The following SNTG1 variants were observed in gnomAD, a reference collection of about 807,000 sequenced individuals.
SNTG1 encodes the protein syntrophin gamma 1.
SNTG1 carries 39 observed loss-of-function variants against 74.7 expected under a neutral mutation model. The observed-to-expected ratio is 0.52, with a 90% confidence interval of 0.40 to 0.68. The LOEUF (loss-of-function observed/expected upper bound fraction) is 0.68, where lower values mean the gene tolerates loss of function less well. Ranked by LOEUF, SNTG1 falls within the 30% of genes least tolerant of loss-of-function variation. SNTG1 has a pLI of 0.00. For synonymous variants in SNTG1, 254 were observed against 217.1 expected, an observed-to-expected ratio of 1.17 and a Z score of -1.49; for missense variants, 685 against 609.5, an observed-to-expected ratio of 1.12 and a Z score of -1.30.
intron 18 of SNTG1, among the ~76,000 whole-genome samples, chr8:50,774,841 C>G (rs1387744728): frequency 6.6e-6 from 1 of 151,314 alleles, no homozygotes; most frequent in East Asian, 1.9e-4. Flanking sequence ...TATATAGAAA[C>G]AAATTTTTGA....
At chr8:50,089,191 C>T (rs1355617312) in intron 1 of SNTG1, among the ~76,000 whole-genome samples, 3 of 152,074 alleles carry the variant, frequency 2.0e-5, no homozygotes, top group Non-Finnish European at 4.4e-5. Flanking sequence ...GCTGGGAAAA[C>T]TGGCTAGCCA....
At chr8:50,396,115 AT>A (rs2092725874) in intron 3 of SNTG1, among the ~76,000 whole-genome samples, 1 of 152,216 alleles carries the variant, frequency 6.6e-6, no homozygotes. Context: ...GATACAGAAG[AT>A]TTATTTAATT....
chr8:50,775,511 T>C (rs2095638256), intron 18 of SNTG1, among the ~76,000 whole-genome samples: 1 of 151,716 alleles, frequency 6.6e-6, no homozygotes, highest in Admixed American at 6.6e-5. Context: ...CTTTAATTAT[T>C]TTAAATTTAT....
At chr8:50,781,672 T>C (rs529300668) in intron 18 of SNTG1, among the ~76,000 whole-genome samples, 9 of 152,336 alleles carry the variant, frequency 5.9e-5, no homozygotes, top group African/African-American at 2.2e-4. Context: ...TGCCAGTCTG[T>C]GTCTTTTAAT....
chr8:50,070,457 A>T (rs1821270651), intron 1 of SNTG1, among the ~76,000 whole-genome samples: 1 of 152,016 alleles, frequency 6.6e-6, no homozygotes, highest in Non-Finnish European at 1.5e-5. Context: ...ATTCAATCTG[A>T]TTTTTTTTCC....
intron 8 of SNTG1, among the ~76,000 whole-genome samples, chr8:50,494,581 T>G (rs1318308200): frequency 6.6e-6 from 1 of 152,018 alleles, no homozygotes; most frequent in African/African-American, 2.4e-5. Context: ...GATCTTGAGC[T>G]ACTCATTTGG....
At chr8:50,164,969 G>A (rs978975637) in intron 1 of SNTG1, among the ~76,000 whole-genome samples, 2 of 152,062 alleles carry the variant, frequency 1.3e-5, no homozygotes, top group Admixed American at 6.6e-5. Flanking sequence ...TTTTATGTAT[G>A]TCATAAATTA....
At chr8:50,239,794 T>C (rs190323021) in intron 2 of SNTG1, among the ~76,000 whole-genome samples, 4 of 152,316 alleles carry the variant, frequency 2.6e-5, no homozygotes, top group Admixed American at 2.0e-4. Context: ...ACACTGCTTA[T>C]GCTATTGTTT....
At chr8:50,408,789 G>A (rs1465046453) in intron 4 of SNTG1, among the ~76,000 whole-genome samples, 1 of 152,162 alleles carries the variant, frequency 6.6e-6, no homozygotes, top group Non-Finnish European at 1.5e-5. Flanking sequence ...ACATATTGTA[G>A]GGCATAGCTC....
chr8:50,778,400 T>C (rs1485538570), intron 18 of SNTG1, among the ~76,000 whole-genome samples: 1 of 152,076 alleles, frequency 6.6e-6, no homozygotes, highest in African/African-American at 2.4e-5. Flanking sequence ...CCATTCTAAC[T>C]GGTGTGAGAT....
chr8:50,420,382 G>A (rs1237775840), intron 4 of SNTG1, among the ~76,000 whole-genome samples: 1 of 152,068 alleles, frequency 6.6e-6, no homozygotes, highest in African/African-American at 2.4e-5. Flanking sequence ...AGTTTTAATT[G>A]CTGAAAGGAA....
At chr8:50,283,070 TA>T (rs1362040881) in intron 2 of SNTG1, among the ~76,000 whole-genome samples, 92 of 152,282 alleles carry the variant, frequency 6.0e-4, no homozygotes, top group Non-Finnish European at 1.5e-4. Flanking sequence ...AGCTGTAGTT[TA>T]AGGAAAAAGA....
In SNTG1 at chr8:50,390,440, G is replaced by A. The variant is rs540900609; in HGVS notation, c.-27-3772G>A. On this transcript the variant is annotated intron_variant, in intron 2 of 18. Coordinates refer to ENST00000642720, the MANE Select transcript of SNTG1 (RefSeq NM_018967.5). ...TCCATTGGTCTATATCTCTGTTTTG[G>A]TACCAGTACCATGCTGTTTTAGTTA... Among the ~76,000 whole-genome samples the A allele has an allele frequency of 3.9e-5, 6 of 152,222 alleles. No homozygotes were observed. In the East Asian group the frequency reaches 7.7e-4, roughly 20 times the overall value.
At chr8:50,677,424 A>G (rs1011120278) in intron 15 of SNTG1, among the ~76,000 whole-genome samples, 6 of 152,084 alleles carry the variant, frequency 3.9e-5, no homozygotes, top group Admixed American at 3.3e-4. Flanking sequence ...TTAATGTAAG[A>G]AAAAAGCTAG....
rs573397397 is a variant in SNTG1, at chr8:50,501,522, G to T, written c.364-1256G>T. On this transcript the variant is annotated intron_variant, in intron 8 of 18. Coordinates refer to ENST00000642720, the MANE Select transcript of SNTG1 (RefSeq NM_018967.5). Reference sequence around the variant, plus strand: ...GCGGTCTCAGCTCGCTGCAACCTCCGCCTCCCAGGTTCAAACGATTCTCCT... The same window carrying T: ...GCGGTCTCAGCTCGCTGCAACCTCCTCCTCCCAGGTTCAAACGATTCTCCT... 9.7e-4 allele frequency among the ~76,000 whole-genome samples: 127 copies of T among 130,506 alleles called. 1 individual carries two copies. The highest frequency in any genetic ancestry group is 1.7e-3 in the Non-Finnish European group (109 of 64,386). 85.6% of individuals were successfully genotyped at this position (130,506 alleles called of 152,430 possible).
chr8:50,490,603 A>G (rs535246738), intron 8 of SNTG1, among the ~76,000 whole-genome samples: 1 of 152,192 alleles, frequency 6.6e-6, no homozygotes, highest in Admixed American at 6.5e-5. Context: ...TTGTGAAGTC[A>G]ATATTTGAAA....
At chr8:50,704,519 C>A (rs2095436788) in intron 15 of SNTG1, 81 bp from the exon 16 acceptor site, 10 of 1,569,952 alleles carry the variant, frequency 6.4e-6, no homozygotes, top group Non-Finnish European at 8.8e-6. Flanking sequence ...GTGGCTTCTG[C>A]ACCTTGGTCC....
chr8:50,494,688 C>A (rs2093888408), intron 8 of SNTG1, among the ~76,000 whole-genome samples: 1 of 151,986 alleles, frequency 6.6e-6, no homozygotes, highest in Non-Finnish European at 1.5e-5. Flanking sequence ...TTTCCATAGC[C>A]ACGTGAACTA....
At chr8:49,996,532 A>C (rs1814236320) in intron 1 of SNTG1, among the ~76,000 whole-genome samples, 2 of 152,134 alleles carry the variant, frequency 1.3e-5, no homozygotes, top group Admixed American at 6.5e-5. Flanking sequence ...TAAAGCTTGG[A>C]ATAAGGACAA....
Sources: allele counts gnomAD v4.1 joint callset (sites outside exome capture counted in the v4.1 genomes callset), GRCh38; gene constraint gnomAD v4.1.1; transcripts MANE v1.5; gene names NCBI Gene and HGNC (gene_info 2026-07-23, HGNC 2026-07-21).